The following TMEM229B variants were observed in gnomAD, a reference collection of about 807,000 sequenced individuals.
TMEM229B encodes transmembrane protein 229B, also known as chromosome 14 open reading frame 83.
A neutral mutation model predicts 13.7 loss-of-function variants in TMEM229B; 6 were observed. The ratio of observed to expected loss-of-function variants is 0.44; its 90% CI spans 0.24 to 0.86. The LOEUF is 0.86. Ranked by LOEUF, TMEM229B falls within the 40% of genes least tolerant of loss-of-function variation. TMEM229B has a pLI of 0.23. For synonymous variants in TMEM229B, 107 were observed against 102.1 expected (o/e 1.05, Z -0.29); for missense variants, 170 against 236.0 (o/e 0.72, Z 1.83).
chr14:67,497,611 A>C (rs969028311), intron 1 of TMEM229B, among the ~76,000 whole-genome samples: 1 of 152,172 alleles, frequency 6.6e-6, no homozygotes, highest in African/African-American at 2.4e-5. Context: ...TCAAGATCCT[A>C]ACTCCCTTTC....
chr14:67,517,090 A>G (rs1380332210), upstream of TMEM229B, among the ~76,000 whole-genome samples: 1 of 152,244 alleles, frequency 6.6e-6, no homozygotes, highest in African/African-American at 2.4e-5. Flanking sequence ...GGCTACAGGC[A>G]GGCATGTGGG....
rs1009488132 is a variant in TMEM229B, at chr14:67,473,825, G to A, written c.99C>T (p.Phe33=). ...CEVMFTAAWE[F]VVNLNWKFPG... The stretch of plus-strand genomic sequence containing the variant: ...GGAACTTCCAGTTCAAGTTCACCAC[G>A]AACTCCCAGGCCGCTGTGAACATCA... The change falls in exon 3 of 3, where the codon TTC becomes TTT. Residue 33 remains phenylalanine, a synonymous_variant. Coordinates refer to ENST00000554480, the MANE Select transcript of TMEM229B (RefSeq NM_001348543.2). The surrounding 1 kb of genome is among the most constrained non-coding windows in gnomAD (Gnocchi z 6.5). 3.7e-6 allele frequency: 6 copies of A among 1,613,512 alleles called. No individual in the cohort carries two copies. The highest frequency in any genetic ancestry group is 1.3e-5 in the African/African-American group (1 of 74,940).
chr14:67,493,048 GAGA>G (rs2032230423), upstream of TMEM229B, among the ~76,000 whole-genome samples: 1 of 152,182 alleles, frequency 6.6e-6, no homozygotes, highest in African/African-American at 2.4e-5. Flanking sequence ...TTAGAAAGAT[GAGA>G]AGAAGCCGTG....
At chr14:67,497,475 C>T (rs2140175974) in intron 1 of TMEM229B, among the ~76,000 whole-genome samples, 1 of 152,264 alleles carries the variant, frequency 6.6e-6, no homozygotes, top group East Asian at 1.9e-4. Context: ...GGGAATGCCA[C>T]AGATACTTAC....
intron 1 of TMEM229B, among the ~76,000 whole-genome samples, chr14:67,521,290 G>A (rs936750698): frequency 6.6e-6 from 1 of 152,238 alleles, no homozygotes; most frequent in Non-Finnish European, 1.5e-5. Context: ...TCAGGAATGA[G>A]TGCATTGTGA....
chr14:67,506,853 A>G (rs1385313178), intron 1 of TMEM229B, among the ~76,000 whole-genome samples: 2 of 152,116 alleles, frequency 1.3e-5, no homozygotes, highest in East Asian at 1.9e-4. Flanking sequence ...GGGTGGTGGC[A>G]TGCACCTGTA....
intron 2 of TMEM229B, among the ~76,000 whole-genome samples, chr14:67,475,542 C>T (rs2031134081): frequency 6.6e-6 from 1 of 152,216 alleles, no homozygotes; most frequent in Admixed American, 6.5e-5. Flanking sequence ...TCCACATCCA[C>T]CCCAAACACT....
chr14:67,478,625 G>A (rs558173307), intron 2 of TMEM229B, among the ~76,000 whole-genome samples: 2 of 152,190 alleles, frequency 1.3e-5, no homozygotes, highest in Non-Finnish European at 2.9e-5. Context: ...CCCTGGGGAC[G>A]GCTGGCAAAG....
upstream of TMEM229B, among the ~76,000 whole-genome samples, chr14:67,518,649 G>A (rs2033243542): frequency 6.6e-6 from 1 of 152,230 alleles, no homozygotes; most frequent in Non-Finnish European, 1.5e-5. Context: ...GGCAAGAACT[G>A]TTCTGCCCTT....
upstream of TMEM229B, among the ~76,000 whole-genome samples, chr14:67,489,323 T>C (rs1351042668): frequency 2.0e-5 from 3 of 152,236 alleles, no homozygotes; most frequent in Non-Finnish European, 2.9e-5. Flanking sequence ...GCCTTCGAAC[T>C]GCTTCCCACC....
In TMEM229B at chr14:67,528,751, T is replaced by C. The variant is rs60862437; in HGVS notation, c.-192+4885A>G. On this transcript the variant is annotated intron_variant, in intron 1 of 2. Coordinates refer to the TMEM229B transcript ENST00000554278. The stretch of plus-strand genomic sequence containing the variant: ...GCGGACAGAGCATTTTGCATTGATA[T>C]GTGTTGTAATTACATCAGTTCCGCC... Among the ~76,000 whole-genome samples, 900 of 152,228 alleles carry C rather than the reference T, an allele frequency of 5.9e-3. 4 individuals carry two copies. Among genetic ancestry groups the C allele is most frequent in the Non-Finnish European group, 7.7e-3 (526 of 68,022 alleles).
chr14:67,490,617 A>C (rs1224361895), upstream of TMEM229B, among the ~76,000 whole-genome samples: 1 of 152,132 alleles, frequency 6.6e-6, no homozygotes, highest in African/African-American at 2.4e-5. Flanking sequence ...CCTTTCCTAT[A>C]ACTATTTAAG....
intron 1 of TMEM229B, among the ~76,000 whole-genome samples, chr14:67,511,848 A>C (rs1385683765): frequency 1.3e-5 from 2 of 152,240 alleles, no homozygotes; most frequent in East Asian, 3.8e-4. Context: ...GATGAATGGG[A>C]AAACAGGGAA....
intron 2 of TMEM229B, among the ~76,000 whole-genome samples, chr14:67,482,484 G>A (rs1043332807): frequency 2.0e-5 from 3 of 152,070 alleles, no homozygotes; most frequent in Non-Finnish European, 4.4e-5. Context: ...AAGGCCTTCC[G>A]CTTTCACTCC....
rs568907228 is a variant in TMEM229B, at chr14:67,497,254, C to T, written c.-191-10082G>A. On this transcript the variant is annotated intron_variant, in intron 1 of 2. Transcript: ENST00000357461. ...AGGGCAGCACAGTGAGCATCCGTCCCGAGGTTAGGCCAGATGCATGTGTCA... is the reference window on the plus strand; with the variant it reads ...AGGGCAGCACAGTGAGCATCCGTCCTGAGGTTAGGCCAGATGCATGTGTCA... Among the ~76,000 whole-genome samples, 338 of 152,208 alleles carry T rather than the reference C, an allele frequency of 2.2e-3. 3 individuals carry two copies. Among genetic ancestry groups the T allele is most frequent in the African/African-American group, 7.4e-3 (309 of 41,544 alleles).
chr14:67,495,780 A>C (rs10145181), intron 1 of TMEM229B, among the ~76,000 whole-genome samples: 2 of 152,156 alleles, frequency 1.3e-5, no homozygotes, highest in Non-Finnish European at 2.9e-5. Flanking sequence ...CACCATGCCC[A>C]GCCAGCCTTC....
chr14:67,520,715 C>T (rs2033279226), intron 1 of TMEM229B, among the ~76,000 whole-genome samples: 2 of 151,988 alleles, frequency 1.3e-5, no homozygotes, highest in South Asian at 4.1e-4. Context: ...TACCCATCAC[C>T]TACTGAAGGA....
At chr14:67,522,985 C>A (rs917285521) in intron 1 of TMEM229B, among the ~76,000 whole-genome samples, 1 of 152,218 alleles carries the variant, frequency 6.6e-6, no homozygotes, top group African/African-American at 2.4e-5. Context: ...TGAGTGTCTT[C>A]TCTTGCCTAG....
At position 67,473,233 on chromosome 14, in the gene TMEM229B, C is replaced by T; in HGVS notation, c.*187G>A. Reference sequence around the variant, plus strand: ...TCCCTCTGCTGCCTCCACACCCCATCCCCCAACACCTGACCACGGCCCCCC... The same window carrying T: ...TCCCTCTGCTGCCTCCACACCCCATTCCCCAACACCTGACCACGGCCCCCC... On this transcript the variant is annotated 3_prime_UTR_variant, in exon 3 of 3. Transcript: ENST00000554480. This position sits in a 1 kb window ranked among gnomAD's most constrained non-coding sequence, Gnocchi z 6.5. 1 of 735,368 alleles carries T rather than the reference C, an allele frequency of 1.4e-6. No individual in the cohort carries two copies. Among genetic ancestry groups the T allele is most frequent in the Non-Finnish European group, 2.2e-6 (1 of 461,444 alleles). 45.6% of individuals were successfully genotyped at this position (735,368 alleles called of 1,614,324 possible). A position where few individuals can be genotyped will look rare whatever the true frequency, so the allele number is the denominator to read the frequency against.
Sources: allele counts gnomAD v4.1 joint callset (sites outside exome capture counted in the v4.1 genomes callset), GRCh38; gene constraint gnomAD v4.1.1; non-coding constraint Gnocchi (gnomAD v3.1); transcripts MANE v1.5; gene names NCBI Gene and HGNC (gene_info 2026-07-23, HGNC 2026-07-21).